UNC5D: variants seen among roughly 807,000 people sequenced by gnomAD.
UNC5D encodes unc-5 netrin receptor D, also known as netrin receptor UNC5D.
UNC5D carries 39 observed loss-of-function variants against 105.4 expected under a neutral mutation model. The observed-to-expected ratio is 0.37, with a 90% CI of 0.29 to 0.48. The LOEUF (loss-of-function observed/expected upper bound fraction) is 0.48. UNC5D is among the 20% of genes least tolerant of loss of function. The pLI is 0.98. For synonymous variants in UNC5D, 452 were observed against 450.4 expected, an observed-to-expected ratio of 1.00 and a Z score of -0.04; for missense variants, 991 against 1,202.4, an observed-to-expected ratio of 0.82 and a Z score of 2.60.
intron 11 of UNC5D, among the ~76,000 whole-genome samples, chr8:35,744,967 C>T (rs1195103764): frequency 6.6e-6 from 1 of 151,874 alleles, no homozygotes; most frequent in Non-Finnish European, 1.5e-5. Context: ...GCTGTAGAAT[C>T]GCTTGAACCT....
intron 1 of UNC5D, chr8:35,254,501 A>G (rs1803935403): frequency 1.3e-5 from 2 of 152,200 alleles, no homozygotes; most frequent in Admixed American, 1.3e-4. Context: ...AGTTGAAGAG[A>G]CACATATATG....
At chr8:35,237,807 AG>A (rs1286264876) in intron 1 of UNC5D, among the ~76,000 whole-genome samples, 1 of 152,220 alleles carries the variant, frequency 6.6e-6, no homozygotes, top group African/African-American at 2.4e-5. Context: ...ACTGTCAGAG[AG>A]TCCTCAAGAA....
chr8:35,406,727 G>A (rs1804829167), intron 1 of UNC5D, among the ~76,000 whole-genome samples: 1 of 152,104 alleles, frequency 6.6e-6, no homozygotes, highest in Non-Finnish European at 1.5e-5. Context: ...GTGATGCTCT[G>A]GATTTAGGAA....
intron 1 of UNC5D, among the ~76,000 whole-genome samples, chr8:35,262,168 CT>C (rs34140671): frequency 0.82 from 124,575 of 152,034 alleles, 51,492 homozygotes; most frequent in East Asian, 1. Context: ...TATAATGAAA[CT>C]TTTTTTATTA....
chr8:35,333,505 G>C (rs550782950), intron 1 of UNC5D, among the ~76,000 whole-genome samples: 20 of 152,090 alleles, frequency 1.3e-4, no homozygotes, highest in Non-Finnish European at 2.5e-4. Context: ...GTTTGTTTTT[G>C]AGAGGGAGTT....
rs186298129 is a variant in UNC5D at position 35,619,052 on chromosome 8, C to A, written c.570+23395C>A. Among the ~76,000 whole-genome samples the A allele has an allele frequency of 4.0e-4, 61 of 152,262 alleles. 1 individual carries two copies. The highest frequency in any genetic ancestry group is 1.4e-3 in the African/African-American group (58 of 41,552). ...TTTCAATTTATTTAATAAATGCTTT[C>A]TTTGCCTCGGAGGATACAGTAATAA... On this transcript the variant is annotated intron_variant, in intron 4 of 16. Coordinates refer to ENST00000404895, the MANE Select transcript of UNC5D (RefSeq NM_080872.4).
At chr8:35,359,783 A>T (rs1801761092) in intron 1 of UNC5D, among the ~76,000 whole-genome samples, 1 of 152,188 alleles carries the variant, frequency 6.6e-6, no homozygotes, top group Non-Finnish European at 1.5e-5. Flanking sequence ...AGTGTCTAAA[A>T]TTATGAATAC....
chr8:35,612,627 G>A (rs535245223), intron 4 of UNC5D, among the ~76,000 whole-genome samples: 1 of 150,636 alleles, frequency 6.6e-6, no homozygotes, highest in Admixed American at 6.6e-5. Flanking sequence ...GAGAATCAAA[G>A]GTTCTTAAAG....
chr8:35,293,834 T>C (rs1207794237), intron 1 of UNC5D, among the ~76,000 whole-genome samples: 1 of 152,176 alleles, frequency 6.6e-6, no homozygotes, highest in African/African-American at 2.4e-5. Context: ...ATTCTCTCCA[T>C]AGGGTACCAT....
At chr8:35,646,835 T>G (rs929254300) in intron 4 of UNC5D, among the ~76,000 whole-genome samples, 1 of 152,176 alleles carries the variant, frequency 6.6e-6, no homozygotes, top group Non-Finnish European at 1.5e-5. Context: ...TAACTCTGAC[T>G]TAATATATTT....
At chr8:35,407,957 G>A (rs1360903874) in intron 1 of UNC5D, among the ~76,000 whole-genome samples, 1 of 151,982 alleles carries the variant, frequency 6.6e-6, no homozygotes, top group Non-Finnish European at 1.5e-5. Flanking sequence ...TTCATCCAGA[G>A]CATTTAGGTT....
chr8:35,545,420 G>GA (rs1815582863), intron 1 of UNC5D, among the ~76,000 whole-genome samples: 1 of 146,688 alleles, frequency 6.8e-6, no homozygotes, highest in African/African-American at 2.6e-5. Context: ...ATGGGTTGGA[G>GA]AGGGGGAGAG....
At chr8:35,516,892 G>A (rs1166646960) in intron 1 of UNC5D, among the ~76,000 whole-genome samples, 1 of 152,076 alleles carries the variant, frequency 6.6e-6, no homozygotes. Context: ...CTTTGTTTTT[G>A]TTAACTAGAT....
chr8:35,785,123 T>C (rs938864889), intron 16 of UNC5D, among the ~76,000 whole-genome samples: 4 of 152,094 alleles, frequency 2.6e-5, no homozygotes, highest in Admixed American at 2.6e-4. Context: ...TTCTGTTTTG[T>C]AGTACTGTAT....
intron 16 of UNC5D, among the ~76,000 whole-genome samples, chr8:35,786,215 T>C (rs1802735910): frequency 6.6e-6 from 1 of 152,226 alleles, no homozygotes; most frequent in Admixed American, 6.5e-5. Context: ...CAATATATTC[T>C]TCTATGTATA....
chr8:35,518,040 G>T (rs545448381), intron 1 of UNC5D, among the ~76,000 whole-genome samples: 1 of 151,198 alleles, frequency 6.6e-6, no homozygotes, highest in South Asian at 2.1e-4. Context: ...CATGAATTTT[G>T]GGGGGGGCAT....
intron 7 of UNC5D, among the ~76,000 whole-genome samples, chr8:35,691,721 G>C (rs1826408380): frequency 6.6e-6 from 1 of 152,152 alleles, no homozygotes; most frequent in Non-Finnish European, 1.5e-5. Flanking sequence ...GTAGTTTCCT[G>C]ACCATTGGAC....
chr8:35,396,200 C>T (rs1029392489), intron 1 of UNC5D, among the ~76,000 whole-genome samples: 2 of 152,022 alleles, frequency 1.3e-5, no homozygotes, highest in Admixed American at 1.3e-4. Context: ...GTCAGGGGTC[C>T]CCGTAACTAC....
chr8:35,305,579 T>TCTTTC (rs879467025), intron 1 of UNC5D, among the ~76,000 whole-genome samples: 10 of 89,050 alleles, frequency 1.1e-4, no homozygotes, highest in Admixed American at 5.5e-4. Context: ...TTCTTTCTTT[T>TCTTTC]TCTTTCTTTC....
Sources: allele counts gnomAD v4.1 joint callset (sites outside exome capture counted in the v4.1 genomes callset), GRCh38; gene constraint gnomAD v4.1.1; transcripts MANE v1.5; gene names NCBI Gene and HGNC (gene_info 2026-07-23, HGNC 2026-07-21).